Variants in SPMAP2L observed in about 807,000 individuals in gnomAD.
SPMAP2L encodes the protein sperm microtubule associated protein 2-like.
chr4:56,550,070 A>G, the SPMAP2L span, among the ~76,000 whole-genome samples: 2 of 152,082 alleles, frequency 1.3e-5, no homozygotes, highest in African/African-American at 4.8e-5. Context: ...GGTCAAAACC[A>G]TTCATATTTA....
the SPMAP2L span, chr4:56,596,596 T>C: frequency 4.6e-6 from 7 of 1,530,410 alleles, no homozygotes; most frequent in Non-Finnish European, 5.2e-6. Context: ...GGGTCTGTGC[T>C]ATGAAAGACA....
At chr4:56,609,943 GAGAT>G in the SPMAP2L span, among the ~76,000 whole-genome samples, 1 of 152,148 alleles carries the variant, frequency 6.6e-6, no homozygotes, top group African/African-American at 2.4e-5. Context: ...TAGGCTGAGA[GAGAT>G]AGTGAGAGTC....
At chr4:56,573,459 C>G in the SPMAP2L span, among the ~76,000 whole-genome samples, 1 of 152,126 alleles carries the variant, frequency 6.6e-6, no homozygotes, top group Non-Finnish European at 1.5e-5. Context: ...CTCTCACTCA[C>G]TGCTTGGGCC....
the SPMAP2L span, among the ~76,000 whole-genome samples, chr4:56,532,831 T>C: frequency 6.6e-6 from 1 of 152,188 alleles, no homozygotes; most frequent in African/African-American, 2.4e-5. Flanking sequence ...CTTGGAAAGA[T>C]CTTGTCCTTC....
the SPMAP2L span, among the ~76,000 whole-genome samples, chr4:56,613,434 G>A: frequency 6.6e-6 from 1 of 152,170 alleles, no homozygotes; most frequent in African/African-American, 2.4e-5. Flanking sequence ...GAAAGAAGCT[G>A]TAGACTTCAA....
the SPMAP2L span, among the ~76,000 whole-genome samples, chr4:56,545,231 A>G: frequency 3.3e-5 from 5 of 152,156 alleles, no homozygotes; most frequent in South Asian, 2.1e-4. Context: ...GCTAGGCTTT[A>G]TTATCTATGC....
the SPMAP2L span, among the ~76,000 whole-genome samples, chr4:56,618,262 C>G: frequency 2.5e-3 from 375 of 152,176 alleles, 1 homozygote; most frequent in Non-Finnish European, 3.3e-3. Flanking sequence ...AAGAGTTTAC[C>G]AAGACAGTTG....
At chr4:56,559,589 A>T in the SPMAP2L span, 2 of 1,389,168 alleles carry the variant, frequency 1.4e-6, no homozygotes, top group Non-Finnish European at 1.9e-6. Context: ...GCTTTTTGAG[A>T]CAGAGTCTCA....
the SPMAP2L span, among the ~76,000 whole-genome samples, chr4:56,548,991 C>CTTTTTT: frequency 2.9e-5 from 4 of 139,442 alleles, no homozygotes; most frequent in African/African-American, 5.3e-5. Context: ...TTCTTTCTTT[C>CTTTTTT]TTTTTTTTTT....
chr4:56,530,649 C>CCG, the SPMAP2L span: 1 of 1,526,074 alleles, frequency 6.6e-7, no homozygotes, highest in Non-Finnish European at 8.8e-7. Context: ...AGGGTGAGTC[C>CCG]CGCGCGCGAC....
At chr4:56,590,234 A>G in the SPMAP2L span, among the ~76,000 whole-genome samples, 1 of 152,212 alleles carries the variant, frequency 6.6e-6, no homozygotes, top group Admixed American at 6.5e-5. Context: ...GGAGAGTTAG[A>G]TGCTTTTTCT....
chr4:56,571,840 A>C, the SPMAP2L span, among the ~76,000 whole-genome samples: 1 of 152,066 alleles, frequency 6.6e-6, no homozygotes, highest in Admixed American at 6.6e-5. Context: ...GCGGGACCTG[A>C]CAAAAAAAGA....
chr4:56,555,942 A>G, the SPMAP2L span, among the ~76,000 whole-genome samples: 3 of 152,320 alleles, frequency 2.0e-5, no homozygotes, highest in African/African-American at 7.2e-5. Context: ...ATACACTGAT[A>G]AGAGAGATGT....
At chr4:56,594,710 G>A in the SPMAP2L span, 2 of 1,409,548 alleles carry the variant, frequency 1.4e-6, no homozygotes, top group Non-Finnish European at 2.0e-6. Flanking sequence ...CAAGGCCATG[G>A]TGGATAAGCA....
chr4:56,552,730 C>A, the SPMAP2L span: 1 of 660,302 alleles, frequency 1.5e-6, no homozygotes, highest in Non-Finnish European at 2.7e-6. Flanking sequence ...AATATTGTCA[C>A]CTCATTGTAG....
the SPMAP2L span, among the ~76,000 whole-genome samples, chr4:56,620,150 T>C: frequency 6.6e-6 from 1 of 152,206 alleles, no homozygotes; most frequent in Non-Finnish European, 1.5e-5. Flanking sequence ...CAGCCTTGCC[T>C]ACAATCTGCA....
the SPMAP2L span, chr4:56,575,680 A>G: frequency 2.0e-6 from 3 of 1,522,600 alleles, no homozygotes; most frequent in African/African-American, 1.4e-5. Flanking sequence ...TCCTAATCTA[A>G]TTTGGCCAGA....
the SPMAP2L span, among the ~76,000 whole-genome samples, chr4:56,552,273 G>T: frequency 2.0e-5 from 3 of 152,166 alleles, no homozygotes; most frequent in Non-Finnish European, 4.4e-5. Context: ...GTTAACAAGT[G>T]TGCATTTTAC....
At chr4:56,556,594 TG>T in the SPMAP2L span, among the ~76,000 whole-genome samples, 1 of 152,128 alleles carries the variant, frequency 6.6e-6, no homozygotes, top group South Asian at 2.1e-4. Context: ...ACATTGAGGA[TG>T]GGCACAGTGG....
Sources: gnomAD v4.1 joint callset for allele counts (sites outside exome capture counted in the v4.1 genomes callset) on GRCh38, gnomAD v4.1.1 for gene constraint, MANE v1.5 for transcripts, NCBI Gene and HGNC (gene_info 2026-07-23, HGNC 2026-07-21) for gene names.